The following JADE1 variants were observed in gnomAD, a reference collection of about 807,000 sequenced individuals.
The protein encoded by JADE1 is jade family PHD finger 1, also known as protein Jade-1.
JADE1 carries 14 observed loss-of-function variants against 81.8 expected under a neutral mutation model. The observed-to-expected ratio is 0.17, with a 90% CI of 0.11 to 0.27. The LOEUF (loss-of-function observed/expected upper bound fraction) is 0.27, where lower values mean the gene tolerates loss of function less well. Among genes scored for constraint, JADE1 ranks in the 10% least tolerant of loss-of-function variants. The probability of loss-of-function intolerance (pLI) is 1.00; values close to 1 mark genes in which losing one functional copy is unlikely to be tolerated. For synonymous variants in JADE1, 353 were observed against 391.9 expected, an observed-to-expected ratio of 0.90 and a Z score of 1.17; for missense variants, 690 against 1,047.9, an observed-to-expected ratio of 0.66 and a Z score of 4.71.
chr4:128,849,187 A>C lies in JADE1; in HGVS notation c.484+20A>C. The stretch of plus-strand genomic sequence containing the variant: ...AGATGGGTGAGAGACCATGTATTCT[A>C]TTATTTTATTAACCAATGATGAATA... On this transcript the variant is annotated intron_variant, in intron 5 of 10. Transcript: ENST00000226319. The C allele has an allele frequency of 6.4e-7, 1 of 1,572,174 alleles. No homozygotes were observed. Among genetic ancestry groups the C allele is most frequent in the Non-Finnish European group, 8.7e-7 (1 of 1,155,158 alleles).
intron 2 of JADE1, among the ~76,000 whole-genome samples, chr4:128,838,601 C>T (rs1009208298): frequency 5.9e-5 from 9 of 152,236 alleles, no homozygotes; most frequent in East Asian, 1.9e-4. Context: ...TTAATAAGTG[C>T]GTGATGTTTT....
At chr4:128,847,057 T>G (rs1342958851) in intron 4 of JADE1, among the ~76,000 whole-genome samples, 1 of 152,204 alleles carries the variant, frequency 6.6e-6, no homozygotes, top group African/African-American at 2.4e-5. Flanking sequence ...TTATTTTGAC[T>G]GGTCACATTA....
At chr4:128,843,296 GTTA>G (rs1315120336) in intron 3 of JADE1, among the ~76,000 whole-genome samples, 1 of 152,228 alleles carries the variant, frequency 6.6e-6, no homozygotes, top group Non-Finnish European at 1.5e-5. Flanking sequence ...GTAAATGTTA[GTTA>G]TTATTATTAA....
chr4:128,861,802 G>A lies in JADE1; in HGVS notation c.1080G>A (p.Lys360=), dbSNP rs763199815. The A allele has an allele frequency of 1.2e-6, 2 of 1,614,222 alleles. No individual in the cohort carries two copies. The highest frequency in any genetic ancestry group is 1.1e-5 in the South Asian group (1 of 91,088). ...KTILAENDEV[K]FKSYCPKHSS... is the part of the protein sequence containing the mutation. ...TCTTAGCAGAGAATGATGAAGTCAA[G>A]TTCAAGTCCTATTGCCCAAAGCACA... Residue 360 remains lysine (K), a synonymous_variant, in exon 9 of 11, where the codon AAG becomes AAA. Coordinates refer to ENST00000226319, the MANE Select transcript of JADE1 (RefSeq NM_199320.4).
At chr4:128,862,488 G>A in intron 9 of JADE1, 8 of 1,332,882 alleles carry the variant, frequency 6.0e-6, no homozygotes, top group Admixed American at 3.3e-5. Flanking sequence ...TGTTTTGTAA[G>A]ATCAAATGGG....
At chr4:128,835,194 G>A (rs1728885227) in intron 2 of JADE1, among the ~76,000 whole-genome samples, 1 of 152,192 alleles carries the variant, frequency 6.6e-6, no homozygotes, top group South Asian at 2.1e-4. Flanking sequence ...GGAGAGGAAT[G>A]ATAGTTGCTA....
At chr4:128,855,287 C>G (rs1051996776) in intron 6 of JADE1, among the ~76,000 whole-genome samples, 2 of 152,198 alleles carry the variant, frequency 1.3e-5, no homozygotes, top group African/African-American at 4.8e-5. Flanking sequence ...TATTTAGAAA[C>G]TTGGTATGGA....
rs1393666912 is a variant in JADE1, at chr4:128,872,491, A to G, written c.*229A>G. The G allele has an allele frequency of 7.9e-6, 4 of 503,822 alleles. No individual in the cohort carries two copies. Among genetic ancestry groups the G allele is most frequent in the African/African-American group, 6.3e-5 (3 of 47,332 alleles). 31.2% of individuals were successfully genotyped at this position (503,822 alleles called of 1,614,324 possible). On this transcript the variant is annotated 3_prime_UTR_variant, in exon 11 of 11. Transcript: ENST00000226319. The stretch of plus-strand genomic sequence containing the variant: ...GAAGAGTAGATTGTAACCATAAGAC[A>G]CTGCTAAGACTAGAACCCGAACTGA...
intron 1 of JADE1, among the ~76,000 whole-genome samples, chr4:128,822,715 G>A (rs990501995): frequency 3.3e-5 from 5 of 151,238 alleles, no homozygotes; most frequent in South Asian, 2.1e-4. Context: ...GTGAAACTCC[G>A]TCTCAAGAAA....
intron 6 of JADE1, among the ~76,000 whole-genome samples, chr4:128,855,112 C>T (rs1171471500): frequency 1.3e-5 from 2 of 152,124 alleles, no homozygotes; most frequent in Non-Finnish European, 2.9e-5. Context: ...CTCTCCTGTT[C>T]CATTGCCATC....
At chr4:128,811,726 C>T (rs1354586049) in intron 1 of JADE1, 1 of 148,644 alleles carries the variant, frequency 6.7e-6, no homozygotes, top group Non-Finnish European at 1.5e-5. Flanking sequence ...GCGCCCCCGC[C>T]CCGGGAACGG....
At chr4:128,830,627 A>C (rs1188245446) in intron 1 of JADE1, among the ~76,000 whole-genome samples, 3 of 152,220 alleles carry the variant, frequency 2.0e-5, no homozygotes, top group African/African-American at 7.2e-5. Context: ...ATGGGTAGGT[A>C]GGTGATGGAC....
intron 1 of JADE1, among the ~76,000 whole-genome samples, chr4:128,822,238 G>T (rs562904525): frequency 6.6e-6 from 1 of 152,122 alleles, no homozygotes; most frequent in South Asian, 2.1e-4. Flanking sequence ...GTGGTGGTGT[G>T]CGCCTCTAGT....
intron 6 of JADE1, among the ~76,000 whole-genome samples, chr4:128,852,806 T>A (rs1730467461): frequency 3.9e-5 from 6 of 152,204 alleles, no homozygotes; most frequent in Admixed American, 3.9e-4. Context: ...GAGCCCTTCC[T>A]TGCCTCTTCG....
intron 1 of JADE1, among the ~76,000 whole-genome samples, chr4:128,821,663 G>A (rs1013388736): frequency 6.6e-6 from 1 of 151,972 alleles, no homozygotes; most frequent in African/African-American, 2.4e-5. Flanking sequence ...CCTGATTACA[G>A]GTGCCTGCCA....
chr4:128,846,303 C>A lies in JADE1; in HGVS notation c.139-72C>A. 6.9e-7 allele frequency: 1 copy of A among 1,439,590 alleles called. No homozygotes were observed. 89.2% of individuals were successfully genotyped at this position (1,439,590 alleles called of 1,614,324 possible). On this transcript the variant is annotated intron_variant, in intron 3 of 10. Transcript: ENST00000226319. The surrounding 1 kb of genome is among the most constrained non-coding windows in gnomAD (Gnocchi z 4.0). ...TTGTTACATGGCAGCTCCATGGTTA[C>A]ATTGCAGCTGCCAGCACTCTGAATA... is the stretch of plus-strand genomic sequence containing the variant.
At chr4:128,814,765 G>A (rs1271103361) in intron 1 of JADE1, among the ~76,000 whole-genome samples, 1 of 151,862 alleles carries the variant, frequency 6.6e-6, no homozygotes, top group Non-Finnish European at 1.5e-5. Flanking sequence ...TTTTCACCAT[G>A]TTTGTCAGGC....
intron 10 of JADE1, among the ~76,000 whole-genome samples, chr4:128,868,303 CTT>C (rs199802436): frequency 0.024 from 3,579 of 152,246 alleles, 142 homozygotes; most frequent in African/African-American, 0.081. Flanking sequence ...GAAACAGTGA[CTT>C]ATATATTACA....
At chr4:128,814,240 T>C (rs1055093742) in intron 1 of JADE1, among the ~76,000 whole-genome samples, 7 of 152,138 alleles carry the variant, frequency 4.6e-5, no homozygotes, top group African/African-American at 1.7e-4. Flanking sequence ...GTTTTGTTGC[T>C]TAGCCTAGGG....
Sources: allele counts gnomAD v4.1 joint callset (sites outside exome capture counted in the v4.1 genomes callset), GRCh38; gene constraint gnomAD v4.1.1; non-coding constraint Gnocchi (gnomAD v3.1); transcripts MANE v1.5; gene names NCBI Gene and HGNC (gene_info 2026-07-23, HGNC 2026-07-21).